The following IGSF11 variants were observed in gnomAD, a reference collection of about 807,000 sequenced individuals.
IGSF11 encodes immunoglobulin superfamily member 11, also known as CXADR like 1.
In IGSF11, 22 loss-of-function variants were observed where a neutral mutation model predicts 41.0. The ratio of observed to expected loss-of-function variants is 0.54; its 90% confidence interval spans 0.38 to 0.77. The LOEUF (loss-of-function observed/expected upper bound fraction) is 0.77. Among genes scored for constraint, IGSF11 ranks in the 30% least tolerant of loss-of-function variants. The pLI is 0.00. For synonymous variants in IGSF11, 219 were observed against 201.3 expected, an observed-to-expected ratio of 1.09 and a Z score of -0.74; for missense variants, 444 against 530.8, an observed-to-expected ratio of 0.84 and a Z score of 1.61.
At chr3:119,025,798 T>C (rs1364951444) in intron 1 of IGSF11, among the ~76,000 whole-genome samples, 2 of 152,236 alleles carry the variant, frequency 1.3e-5, no homozygotes, top group East Asian at 3.9e-4. Context: ...GAAATATCTA[T>C]ACAAATGTAT....
chr3:118,999,211 GA>G (rs1350698848), intron 1 of IGSF11, among the ~76,000 whole-genome samples: 7 of 151,872 alleles, frequency 4.6e-5, no homozygotes, highest in African/African-American at 1.7e-4. Flanking sequence ...TACTTTTTTT[GA>G]AATTTGAGCC....
At chr3:118,983,011 C>T (rs1293438136) in intron 1 of IGSF11, among the ~76,000 whole-genome samples, 1 of 152,150 alleles carries the variant, frequency 6.6e-6, no homozygotes, top group East Asian at 1.9e-4. Context: ...ATAAATGACA[C>T]ATATCACCTC....
intron 4 of IGSF11, among the ~76,000 whole-genome samples, chr3:118,920,078 T>C (rs1208862682): frequency 2.5e-5 from 3 of 121,792 alleles, no homozygotes. Context: ...CCTGGACACA[T>C]GAAGGGGAAT....
chr3:119,025,711 C>T (rs1029871991), intron 1 of IGSF11, among the ~76,000 whole-genome samples: 3 of 151,792 alleles, frequency 2.0e-5, no homozygotes, highest in African/African-American at 4.8e-5. Context: ...GTTTGAATTA[C>T]GACAATGCTT....
chr3:118,974,299 A>G (rs779224431), intron 1 of IGSF11, among the ~76,000 whole-genome samples: 9 of 152,198 alleles, frequency 5.9e-5, no homozygotes, highest in Non-Finnish European at 1.3e-4. Context: ...TTTCATAAAA[A>G]TGTATTTGGT....
chr3:119,006,516 C>T (rs1102595), intron 1 of IGSF11, among the ~76,000 whole-genome samples: 117,651 of 124,612 alleles, frequency 0.94, 55,690 homozygotes, highest in East Asian at 1. Context: ...AGGAACTGCG[C>T]TCCTTTGGAG....
At chr3:119,021,955 G>GT (rs1939336581) in intron 1 of IGSF11, among the ~76,000 whole-genome samples, 1 of 152,138 alleles carries the variant, frequency 6.6e-6, no homozygotes, top group African/African-American at 2.4e-5. Context: ...CCACAAACAT[G>GT]TTTTTTAAAC....
chr3:119,071,537 C>T (rs1036752476), intron 1 of IGSF11, among the ~76,000 whole-genome samples: 5 of 152,156 alleles, frequency 3.3e-5, no homozygotes, highest in Admixed American at 3.3e-4. Flanking sequence ...CATTATTTAA[C>T]ATTTGGATAT....
At chr3:119,100,259 G>GA (rs1332260578) in intron 1 of IGSF11, among the ~76,000 whole-genome samples, 3 of 152,140 alleles carry the variant, frequency 2.0e-5, no homozygotes, top group African/African-American at 7.2e-5. Flanking sequence ...ATCCAGAGAT[G>GA]AAAATGTAAA....
At chr3:119,037,054 T>C (rs1380257006), upstream of IGSF11, among the ~76,000 whole-genome samples, 1 of 152,100 alleles carries the variant, frequency 6.6e-6, no homozygotes, top group East Asian at 1.9e-4. Context: ...CCAAGGACAC[T>C]CTCCCAGGAA....
At chr3:119,053,233 T>C (rs887073051) in intron 1 of IGSF11, among the ~76,000 whole-genome samples, 41 of 152,096 alleles carry the variant, frequency 2.7e-4, no homozygotes, top group African/African-American at 9.7e-4. Context: ...GCTGCTGTTT[T>C]CTAGGTATAG....
intron 4 of IGSF11, among the ~76,000 whole-genome samples, chr3:118,923,926 T>C (rs553168430): frequency 6.6e-6 from 1 of 152,304 alleles, no homozygotes; most frequent in East Asian, 1.9e-4. Context: ...CCAACAGGTC[T>C]CTCCCTTACG....
chr3:119,003,750 T>C (rs944629105), intron 1 of IGSF11, among the ~76,000 whole-genome samples: 1 of 151,956 alleles, frequency 6.6e-6, no homozygotes, highest in Non-Finnish European at 1.5e-5. Context: ...GCTCTCTTTA[T>C]ATGCTGGATT....
At chr3:118,973,274 C>T (rs1234750727) in intron 1 of IGSF11, among the ~76,000 whole-genome samples, 3 of 152,202 alleles carry the variant, frequency 2.0e-5, no homozygotes, top group African/African-American at 7.2e-5. Flanking sequence ...GGAGCATGGA[C>T]ATCCCCTAGA....
At chr3:119,136,330 T>C (rs12492869) in intron 1 of IGSF11, among the ~76,000 whole-genome samples, 12,128 of 152,112 alleles carry the variant, frequency 0.08, 646 homozygotes, top group Admixed American at 0.16. Context: ...AATAATAATG[T>C]TGAATGTAAA....
At chr3:118,954,742 T>C (rs532621565) in intron 1 of IGSF11, among the ~76,000 whole-genome samples, 8 of 152,136 alleles carry the variant, frequency 5.3e-5, no homozygotes, top group Non-Finnish European at 1.2e-4. Context: ...ACTTATGAAA[T>C]GTATTTCTTA....
chr3:119,046,662 C>T (rs911124827), intron 1 of IGSF11, among the ~76,000 whole-genome samples: 3 of 151,934 alleles, frequency 2.0e-5, no homozygotes, highest in South Asian at 2.1e-4. Context: ...AGATACTCCT[C>T]GAGAAGAGCA....
chr3:119,116,061 T>C (rs2077252047), intron 1 of IGSF11, among the ~76,000 whole-genome samples: 2 of 152,232 alleles, frequency 1.3e-5, no homozygotes, highest in Admixed American at 6.5e-5. Context: ...ATTTTGTTTT[T>C]CACTTAATTG....
In IGSF11 at chr3:118,978,793, G is replaced by A. The variant is rs554785979; in HGVS notation, c.53-48518C>T. ...TCTTCAGGAAAAAGTCCTCCCCTAT[G>A]AAAGCAAAATCACAAAATTGGAAGA... On this transcript the variant is annotated intron_variant, in intron 1 of 6. Transcript: ENST00000393775. Among the ~76,000 whole-genome samples the A allele has an allele frequency of 5.9e-4, 90 of 152,240 alleles. 1 individual carries two copies. Among genetic ancestry groups the A allele is most frequent in the Admixed American group, 5.0e-3 (76 of 15,284 alleles).
Sources: gnomAD v4.1 joint callset for allele counts (sites outside exome capture counted in the v4.1 genomes callset) on GRCh38, gnomAD v4.1.1 for gene constraint, MANE v1.5 for transcripts, NCBI Gene and HGNC (gene_info 2026-07-23, HGNC 2026-07-21) for gene names.